The following CASQ1 variants were observed in gnomAD, a reference collection of about 807,000 sequenced individuals.
The protein encoded by CASQ1 is calsequestrin-1.
Under a neutral mutation model 49.5 loss-of-function variants are expected in CASQ1, and 40 were observed. The observed-to-expected ratio is 0.81, with a 90% CI of 0.63 to 1.05. The LOEUF (loss-of-function observed/expected upper bound fraction) is 1.05. CASQ1 is among the 50% of genes least tolerant of loss of function. The pLI is 0.00. For synonymous variants in CASQ1, 174 were observed against 187.2 expected, an observed-to-expected ratio of 0.93 and a Z score of 0.58; for missense variants, 469 against 486.9, an observed-to-expected ratio of 0.96 and a Z score of 0.35.
intron 6 of CASQ1, 152 bp downstream of exon 6, chr1:160,196,179 T>C: frequency 1.6e-6 from 1 of 645,062 alleles, no homozygotes; most frequent in Non-Finnish European, 2.6e-6. Context: ...TCTGATACAC[T>C]GACAATTTTG....
intron 6 of CASQ1, among the ~76,000 whole-genome samples, chr1:160,196,630 C>A (rs1654249339): frequency 6.6e-6 from 1 of 152,102 alleles, no homozygotes; most frequent in African/African-American, 2.4e-5. Flanking sequence ...GGCACGCCAC[C>A]ACACCTGGCT....
chr1:160,197,710 AT>A, intron 7 of CASQ1, 96 bp downstream of exon 7: 1 of 874,872 alleles, frequency 1.1e-6, no homozygotes, highest in Non-Finnish European at 2.0e-6. Flanking sequence ...CCTCAGGCCC[AT>A]TTTTAGAAAA....
intron 3 of CASQ1, among the ~76,000 whole-genome samples, chr1:160,194,784 C>A (rs999667898): frequency 6.7e-6 from 1 of 149,416 alleles, no homozygotes; most frequent in South Asian, 2.2e-4. Flanking sequence ...ATACCACACA[C>A]CCACCATACA....
chr1:160,194,135 C>A (rs1654146650), intron 3 of CASQ1, among the ~76,000 whole-genome samples: 1 of 149,722 alleles, frequency 6.7e-6, no homozygotes, highest in Admixed American at 6.7e-5. Flanking sequence ...ACTACACACA[C>A]CACACACACA....
intron 10 of CASQ1, among the ~76,000 whole-genome samples, chr1:160,200,972 A>C (rs1340873968): frequency 6.6e-6 from 1 of 152,118 alleles, no homozygotes; most frequent in African/African-American, 2.4e-5. Context: ...TTTGCACCAA[A>C]GGCATAATAG....
At chr1:160,193,941 A>G (rs1654140325) in intron 3 of CASQ1, 94 bp downstream of exon 3, 7 of 746,598 alleles carry the variant, frequency 9.4e-6, no homozygotes, top group South Asian at 8.4e-5. Context: ...GCACACACAC[A>G]CCACACACAC....
intron 9 of CASQ1, 111 bp downstream of exon 9, chr1:160,199,164 G>T (rs1485279738): frequency 2.6e-6 from 2 of 757,394 alleles, no homozygotes; most frequent in Admixed American, 3.8e-5. Context: ...TAGCTGGGGG[G>T]CCCTGGGAGG....
At chr1:160,193,489 CCCTA>C (rs1654128357) in intron 2 of CASQ1, among the ~76,000 whole-genome samples, 1 of 152,122 alleles carries the variant, frequency 6.6e-6, no homozygotes, top group East Asian at 1.9e-4. Context: ...CCTCCCCTCA[CCCTA>C]CCTGATCCCC....
intron 6 of CASQ1, among the ~76,000 whole-genome samples, chr1:160,196,324 G>T (rs1370638600): frequency 6.6e-6 from 1 of 152,108 alleles, no homozygotes. Context: ...ACTGCCTGTG[G>T]TGGGGCAGGA....
At position 160,190,606 on chromosome 1, in the gene CASQ1, A is replaced by T; in HGVS notation, c.-146A>T. On this transcript the variant is annotated 5_prime_UTR_variant, in exon 1 of 11. Transcript: ENST00000368078. ...GTCGGCAGTTTCTCCAGGACCCAGC[A>T]GTGCCCTCTGTCCACTGCTCTGGGC... 1.4e-6 allele frequency: 1 copy of T among 707,130 alleles called. No individual in the cohort carries two copies. The highest frequency in any genetic ancestry group is 2.3e-6 in the Non-Finnish European group (1 of 432,768). The allele number at this position is 707,130 out of a possible 1,614,324, so 43.8% of individuals were successfully genotyped here.
chr1:160,195,633 G>T, intron 5 of CASQ1, 99 bp downstream of exon 5: 1 of 1,090,254 alleles, frequency 9.2e-7, no homozygotes, highest in Non-Finnish European at 1.4e-6. Context: ...CCCTTCCTAC[G>T]TGCTGGCACT....
intron 7 of CASQ1, 103 bp from the exon 8 acceptor site, chr1:160,198,574 T>C (rs575422045): frequency 2.4e-4 from 197 of 815,552 alleles, no homozygotes; most frequent in African/African-American, 1.6e-3. Context: ...TTCCACAAAA[T>C]TGAGGTTCAA....
Position 160,194,881 on chromosome 1 carries a change from C to T in CASQ1, c.466-131C>T, listed in dbSNP as rs1654181542. On this transcript the variant is annotated intron_variant, in intron 3 of 10. Transcript: ENST00000368078. ...ATACACACACACGCACATGCAATCC[C>T]CCACACACACACCCACACACTGTCA... is the stretch of plus-strand genomic sequence containing the variant. 5.8e-5 allele frequency: 35 copies of T among 603,240 alleles called. 2 individuals are homozygous for T. The South Asian group carries it at 6.6e-4, about 11-fold the overall frequency. 37.4% of individuals were successfully genotyped at this position (603,240 alleles called of 1,614,324 possible). A position where few individuals can be genotyped will look rare whatever the true frequency, so the allele number is the denominator to read the frequency against.
intron 6 of CASQ1, among the ~76,000 whole-genome samples, 199 bp from the exon 7 acceptor site, chr1:160,197,370 C>G (rs539625562): frequency 2.0e-5 from 3 of 152,264 alleles, no homozygotes; most frequent in Non-Finnish European, 4.4e-5. Flanking sequence ...CTTTGCCCAC[C>G]CTCCCCTCTC....
chr1:160,198,906 C>G (rs746004520), intron 8 of CASQ1, 47 bp from the exon 9 acceptor site: 1 of 1,315,822 alleles, frequency 7.6e-7, no homozygotes, highest in East Asian at 2.3e-5. Context: ...ACCTGGGTCC[C>G]TTTCCTCTCT....
At chr1:160,199,671 TCTC>T (rs1382535346) in intron 9 of CASQ1, among the ~76,000 whole-genome samples, 177 bp from the exon 10 acceptor site, 1 of 152,122 alleles carries the variant, frequency 6.6e-6, no homozygotes, top group African/African-American at 2.4e-5. Flanking sequence ...CTTTAGGATT[TCTC>T]CTCTTTTGTT....
rs1457073667 is a variant in CASQ1, at chr1:160,195,473, T to C, written c.590T>C (p.Phe197Ser). 6.2e-7 allele frequency: 1 copy of C among 1,614,054 alleles called. No individual in the cohort carries two copies. The highest frequency in any genetic ancestry group is 2.2e-5 in the East Asian group (1 of 44,882). The part of the protein sequence containing the change: ...KSKDSEHYKA[F>S]EDAAEEFHPY... ...TTCCACCCCCCAGATTACAAAGCCT[T>C]CGAGGATGCAGCTGAGGAGTTTCAT... is the stretch of plus-strand genomic sequence containing the variant. Residue 197 changes from phenylalanine to serine, a missense_variant, in exon 5 of 11, where the codon TTC (phenylalanine) becomes TCC (serine). Transcript: ENST00000368078.
intron 3 of CASQ1, 43 bp downstream of exon 3, chr1:160,193,890 A>C (rs779276411): frequency 9.8e-6 from 13 of 1,331,480 alleles, no homozygotes; most frequent in Non-Finnish European, 1.1e-5. Context: ...TGAAAACTCC[A>C]CTGCCTGCCC....
chr1:160,191,119 G>T, intron 1 of CASQ1, 89 bp downstream of exon 1: 1 of 1,410,482 alleles, frequency 7.1e-7, no homozygotes, highest in South Asian at 1.3e-5. Context: ...TTTGAGGATG[G>T]GATCTGGGGG....
Sources: gnomAD v4.1 joint callset for allele counts (sites outside exome capture counted in the v4.1 genomes callset) on GRCh38, gnomAD v4.1.1 for gene constraint, MANE v1.5 for transcripts, NCBI Gene and HGNC (gene_info 2026-07-23, HGNC 2026-07-21) for gene names.